The following SORD variants were observed in gnomAD, a reference collection of about 807,000 sequenced individuals.
The protein encoded by SORD is (R,R)-butanediol dehydrogenase.
In SORD, 18 loss-of-function variants were observed where a neutral mutation model predicts 35.6. The ratio of observed to expected loss-of-function variants is 0.51; its 90% CI spans 0.35 to 0.75. The LOEUF (loss-of-function observed/expected upper bound fraction) is 0.75, where lower values mean the gene tolerates loss of function less well. SORD is among the 30% of genes least tolerant of loss of function. The pLI, the probability that SORD is intolerant of heterozygous loss-of-function variation, is 0.01. For synonymous variants in SORD, 106 were observed against 152.9 expected, an observed-to-expected ratio of 0.69 and a Z score of 2.26; for missense variants, 250 against 390.2, an observed-to-expected ratio of 0.64 and a Z score of 3.03.
intron 1 of SORD, among the ~76,000 whole-genome samples, chr15:45,030,344 A>C (rs770707143): frequency 6.6e-6 from 1 of 152,196 alleles, no homozygotes; most frequent in African/African-American, 2.4e-5. Context: ...AAAACTGCAC[A>C]ACAGAAATTA....
chr15:45,052,361 C>T (rs1284847239), intron 3 of SORD, among the ~76,000 whole-genome samples: 1 of 152,136 alleles, frequency 6.6e-6, no homozygotes, highest in Non-Finnish European at 1.5e-5. Flanking sequence ...GGGTGGCTTC[C>T]TCTTGACTAT....
intron 4 of SORD, among the ~76,000 whole-genome samples, chr15:45,062,188 A>T (rs201989123): frequency 0.037 from 5,130 of 137,434 alleles, 104 homozygotes; most frequent in East Asian, 0.19. Context: ...GGGCACCGTT[A>T]TTGGGTTAAC....
At chr15:45,040,286 C>G (rs898646054) in intron 1 of SORD, 122 bp from the exon 2 acceptor site, 33 of 701,732 alleles carry the variant, frequency 4.7e-5, no homozygotes, top group South Asian at 3.0e-4. Flanking sequence ...GTGGTCTGAG[C>G]TTGTGTTAAT....
intron 5 of SORD, among the ~76,000 whole-genome samples, chr15:45,067,336 G>A (rs1428078502): frequency 2.0e-5 from 3 of 152,120 alleles, no homozygotes; most frequent in Admixed American, 2.0e-4. Flanking sequence ...CTCCAGCCTG[G>A]GTGACAGAGC....
At chr15:45,026,137 C>T (rs1484012922) in intron 1 of SORD, among the ~76,000 whole-genome samples, 15 of 152,322 alleles carry the variant, frequency 9.8e-5, no homozygotes, top group African/African-American at 3.6e-4. Context: ...CAGGCATGGT[C>T]TTCCACCAGC....
intron 1 of SORD, among the ~76,000 whole-genome samples, chr15:45,027,978 C>A (rs72722061): frequency 6.6e-6 from 1 of 152,152 alleles, no homozygotes; most frequent in African/African-American, 2.4e-5. Context: ...TTTTTCCAGT[C>A]GGCCATGGAC....
At chr15:45,069,728 T>A in intron 7 of SORD, 1 of 152,176 alleles carries the variant, frequency 6.6e-6, no homozygotes, top group East Asian at 1.9e-4. Flanking sequence ...ATGTGGGAAA[T>A]CCCCGTCTTA....
At chr15:45,032,290 A>C (rs2457655) in intron 1 of SORD, among the ~76,000 whole-genome samples, 6 of 151,944 alleles carry the variant, frequency 3.9e-5, no homozygotes, top group South Asian at 2.1e-4. Flanking sequence ...TAAGATGGTA[A>C]ATTTTATGTT....
intron 4 of SORD, among the ~76,000 whole-genome samples, chr15:45,062,128 TG>T (rs113484220): frequency 0.075 from 10,703 of 142,548 alleles, 640 homozygotes; most frequent in African/African-American, 0.28. Context: ...TGCTAATAAG[TG>T]GTTTGCATGC....
rs374279797 is a variant in SORD, at chr15:45,073,582, T to C, written c.*52T>C. The C allele has an allele frequency of 2.8e-3, 4,327 of 1,569,106 alleles. 185 individuals are homozygous for C. In the African/African-American group the frequency reaches 0.059, roughly 21 times the overall value. On this transcript the variant is annotated 3_prime_UTR_variant, in exon 9 of 9. Transcript: ENST00000267814. The stretch of plus-strand genomic sequence containing the variant: ...ACAGTCTTGGGATCTCAGGGCACAA[T>C]GGCTGGACATGGGTGGGCTCTGATG...
chr15:45,039,081 C>A (rs1343217523), intron 1 of SORD, among the ~76,000 whole-genome samples: 2 of 152,158 alleles, frequency 1.3e-5, no homozygotes, highest in East Asian at 1.9e-4. Context: ...ATAGAGTCCA[C>A]CCCACTGTCT....
intron 3 of SORD, among the ~76,000 whole-genome samples, chr15:45,052,907 T>G (rs1893150011): frequency 6.6e-6 from 1 of 152,190 alleles, no homozygotes; most frequent in African/African-American, 2.4e-5. Flanking sequence ...GAGAGGAATC[T>G]TCTCTCAGTT....
chr15:45,034,912 G>A (rs1455001588), intron 1 of SORD, among the ~76,000 whole-genome samples: 1 of 152,212 alleles, frequency 6.6e-6, no homozygotes, highest in African/African-American at 2.4e-5. Context: ...TGGGCTTGGC[G>A]GGCCCCGCAC....
chr15:45,045,544 CAAAAAAA>C (rs58487905), intron 3 of SORD, among the ~76,000 whole-genome samples: 1 of 62,808 alleles, frequency 1.6e-5, no homozygotes. Context: ...GACTCCATCT[CAAAAAAA>C]AAAAAAAAAA....
intron 1 of SORD, among the ~76,000 whole-genome samples, chr15:45,028,791 T>C (rs1484850589): frequency 6.6e-6 from 1 of 150,686 alleles, no homozygotes; most frequent in Non-Finnish European, 1.5e-5. Context: ...TAAATACTCT[T>C]ATTTATTTTT....
intron 5 of SORD, among the ~76,000 whole-genome samples, chr15:45,066,676 C>T (rs1313106068): frequency 2.0e-5 from 3 of 152,212 alleles, no homozygotes; most frequent in East Asian, 1.9e-4. Flanking sequence ...CCAGACAGTA[C>T]GCTCACGCTC....
chr15:45,057,163 A>G (rs1349473781), intron 3 of SORD, among the ~76,000 whole-genome samples: 1 of 152,224 alleles, frequency 6.6e-6, no homozygotes, highest in East Asian at 1.9e-4. Context: ...ACAACTGAGG[A>G]ACAAATGTGA....
intron 7 of SORD, among the ~76,000 whole-genome samples, chr15:45,069,294 C>T (rs1019893589): frequency 2.0e-5 from 3 of 149,650 alleles, no homozygotes; most frequent in Non-Finnish European, 4.4e-5. Context: ...GCAAGCTCCG[C>T]CTCCTGGGTT....
chr15:45,065,331 C>A lies in SORD; in HGVS notation c.486C>A (p.Ile162=), dbSNP rs554289567. ...TGATCGAGCCACTTTCTGTGGGGAT[C>A]CATGCCTGCAGGAGAGGCGGAGTTA... ...GALIEPLSVG[I]HACRRGGVTL... is the part of the protein sequence containing the mutation. The change falls in exon 5 of 9, where the codon ATC becomes ATA. Residue 162 remains isoleucine, a synonymous_variant. Coordinates refer to ENST00000267814, the MANE Select transcript of SORD (RefSeq NM_003104.6). The A allele has an allele frequency of 2.1e-5, 34 of 1,613,928 alleles. No homozygotes were observed. Among genetic ancestry groups the A allele is most frequent in the South Asian group, 1.1e-4 (10 of 91,072 alleles).
Sources: allele counts gnomAD v4.1 joint callset (sites outside exome capture counted in the v4.1 genomes callset), GRCh38; gene constraint gnomAD v4.1.1; transcripts MANE v1.5; gene names NCBI Gene and HGNC (gene_info 2026-07-23, HGNC 2026-07-21).